Variants in LYST observed in about 807,000 individuals in gnomAD.
LYST encodes lysosomal-trafficking regulator.
Under a neutral mutation model 413.6 loss-of-function variants are expected in LYST, and 192 were observed. The ratio of observed to expected loss-of-function variants is 0.46; its 90% CI spans 0.41 to 0.52. The LOEUF (loss-of-function observed/expected upper bound fraction) is 0.52, where lower values mean the gene tolerates loss of function less well. Ranked by LOEUF, LYST falls within the 20% of genes least tolerant of loss-of-function variation. The pLI is 0.00. For missense variants in LYST, 3,815 were observed against 4,499.9 expected (o/e 0.85, Z 4.35); for synonymous variants, 1,525 against 1,567.3 (o/e 0.97, Z 0.64).
chr1:235,879,740 CTTT>C (rs66680369), intron 1 of LYST, among the ~76,000 whole-genome samples: 4 of 146,312 alleles, frequency 2.7e-5, no homozygotes, highest in Non-Finnish European at 3.0e-5. Context: ...TTCTTTCTTT[CTTT>C]TTTTTTTTTT....
At chr1:235,811,768 T>G (rs1400203909) in intron 4 of LYST, among the ~76,000 whole-genome samples, 1 of 150,446 alleles carries the variant, frequency 6.6e-6, no homozygotes, top group African/African-American at 2.5e-5. Flanking sequence ...TTAAAAGGAG[T>G]CTGACAAATT....
At chr1:235,790,717 C>T (rs1670888981) in intron 12 of LYST, among the ~76,000 whole-genome samples, 1 of 152,162 alleles carries the variant, frequency 6.6e-6, no homozygotes, top group Admixed American at 6.5e-5. Flanking sequence ...CTTTCCATCA[C>T]CATAAATTGC....
At chr1:235,716,300 TTTTG>T (rs1388253842) in intron 41 of LYST, among the ~76,000 whole-genome samples, 2 of 152,248 alleles carry the variant, frequency 1.3e-5, no homozygotes, top group African/African-American at 4.8e-5. Flanking sequence ...TCTGATAAAT[TTTTG>T]TTTAATAAAC....
intron 16 of LYST, among the ~76,000 whole-genome samples, chr1:235,780,518 T>C (rs918647111): frequency 1.3e-5 from 2 of 152,052 alleles, no homozygotes; most frequent in Non-Finnish European, 2.9e-5. Flanking sequence ...AAAGAAAATA[T>C]AATGAGCAAC....
rs769152918 is a variant in LYST at position 235,720,874 on chromosome 1, G to A, written c.9347C>T (p.Thr3116Ile). ...VRDDVYHNIL[T>I]NNLPNLLEYG... ...TTCCAGAAGATTAGGGAGGTTATTT[G>A]TGAGTATATTGTGGTATACATCATC... The change falls in exon 40 of 53, where the codon ACA becomes ATA. Residue 3116 changes from threonine (T) to isoleucine (I), a missense_variant. Thr to Ile is a moderately conservative substitution (Grantham distance 89, BLOSUM62 -1). Around this residue, in one of 4 missense-constraint regions of LYST, gnomAD observed 866 missense variants for 1,156.0 expected, o/e 0.75. Coordinates refer to ENST00000389793, the MANE Select transcript of LYST (RefSeq NM_000081.4). 4 of 1,613,522 alleles carry A rather than the reference G, an allele frequency of 2.5e-6. No homozygotes were observed. Among genetic ancestry groups the A allele is most frequent in the Admixed American group, 1.7e-5 (1 of 60,006 alleles).
At chr1:235,764,687 G>A (rs1210754204) in intron 21 of LYST, among the ~76,000 whole-genome samples, 1 of 151,202 alleles carries the variant, frequency 6.6e-6, no homozygotes, top group East Asian at 1.9e-4. Context: ...ATTTTTAGTA[G>A]AGATGGGGTT....
intron 16 of LYST, among the ~76,000 whole-genome samples, chr1:235,778,468 G>A (rs941955442): frequency 6.6e-6 from 1 of 151,744 alleles, no homozygotes; most frequent in South Asian, 2.1e-4. Flanking sequence ...TCTGCCTCCC[G>A]GGTTCAAGCA....
Position 235,801,059 on chromosome 1 carries a change from A to C in LYST, c.3751T>G (p.Ser1251Ala), listed in dbSNP as rs776129310. The part of the protein sequence containing the change: ...LKSETEGFSA[S>A]SSPNDLLENL... The stretch of plus-strand genomic sequence containing the variant: ...TCGAGTAAGTCATTTGGACTGCTTG[A>C]TGCACTGAAACCTTCTGTTTCAGAC... Residue 1251 changes from serine (S) to alanine (A), a missense_variant, in exon 9 of 53, where the codon TCA becomes GCA. By Grantham distance (99) the Ser-to-Ala change is moderately conservative. Coordinates refer to ENST00000389793, the MANE Select transcript of LYST (RefSeq NM_000081.4). 6.2e-7 allele frequency: 1 copy of C among 1,613,048 alleles called. No individual in the cohort carries two copies. Among genetic ancestry groups the C allele is most frequent in the Non-Finnish European group, 8.5e-7 (1 of 1,179,238 alleles).
chr1:235,838,973 T>C (rs1008605653), intron 1 of LYST, among the ~76,000 whole-genome samples: 2 of 152,100 alleles, frequency 1.3e-5, no homozygotes, highest in African/African-American at 2.4e-5. Context: ...CCTACTGCCC[T>C]ATCCCCCACC....
intron 14 of LYST, chr1:235,786,948 A>G (rs752518633): frequency 8.3e-5 from 26 of 314,718 alleles, no homozygotes; most frequent in Non-Finnish European, 1.6e-4. Context: ...ACCTAATGTA[A>G]ATGACGAGTT....
chr1:235,882,065 C>G (rs1681398538), intron 1 of LYST, among the ~76,000 whole-genome samples: 1 of 147,344 alleles, frequency 6.8e-6, no homozygotes, highest in Non-Finnish European at 1.5e-5. Context: ...CATACACACA[C>G]ACACTCTTTC....
At chr1:235,786,691 C>A (rs189106299) in intron 14 of LYST, among the ~76,000 whole-genome samples, 568 of 152,096 alleles carry the variant, frequency 3.7e-3, no homozygotes, top group Non-Finnish European at 6.0e-3. Flanking sequence ...AAATGTGGCA[C>A]ATATACACCA....
rs1665575605 is a variant in LYST at position 235,743,080 on chromosome 1, G to C, written c.8151+899C>G. On this transcript the variant is annotated intron_variant, in intron 30 of 52. Transcript: ENST00000389793. The stretch of plus-strand genomic sequence containing the variant: ...GTTTCAGTACCATCTGTGGTTTCAG[G>C]CATTCACCAGGGGTCCTGGAATGTA... 2.0e-5 allele frequency among the ~76,000 whole-genome samples: 3 copies of C among 152,220 alleles called. No individual in the cohort carries two copies. In the South Asian group the frequency reaches 6.2e-4, roughly 32 times the overall value.
intron 22 of LYST, among the ~76,000 whole-genome samples, chr1:235,760,422 T>C (rs527614752): frequency 3.0e-4 from 45 of 152,318 alleles, no homozygotes; most frequent in Admixed American, 3.9e-4. Context: ...CTGTTATTAG[T>C]GAGAATAGTT....
At chr1:235,838,883 G>A (rs1676867972) in intron 1 of LYST, among the ~76,000 whole-genome samples, 1 of 152,084 alleles carries the variant, frequency 6.6e-6, no homozygotes. Flanking sequence ...AATTTCATTT[G>A]TTCTCTGTAT....
rs1161595893 is a variant in LYST, at chr1:235,809,563, C to T, written c.1255G>A (p.Ala419Thr). ...LQILICCLQS[A>T]ASNPFYFSQA... ...CTGAAGTAGAAGGGATTTGAAGCTG[C>T]ACTTTGAAGACAACAGATCAGAATC... The change falls in exon 5 of 53, where the codon GCA becomes ACA. Residue 419 changes from alanine to threonine, a missense_variant. This residue lies in a region of LYST where 1,648 missense variants were observed against 1,810.3 expected (regional missense o/e 0.91). Coordinates refer to ENST00000389793, the MANE Select transcript of LYST (RefSeq NM_000081.4). This position sits in a 1 kb window ranked among gnomAD's most constrained non-coding sequence, Gnocchi z 4.0. The T allele has an allele frequency of 6.2e-7, 1 of 1,613,894 alleles. No individual in the cohort carries two copies. The highest frequency in any genetic ancestry group is 2.2e-5 in the East Asian group (1 of 44,872).
chr1:235,816,128 CAAAAAAAAAAAAAAAAAAA>C (rs59556548), intron 3 of LYST, among the ~76,000 whole-genome samples: 2 of 11,794 alleles, frequency 1.7e-4, no homozygotes, highest in African/African-American at 9.8e-4. Context: ...GACTCCATCT[CAAAAAAAAAAAAAAAAAAA>C]AAAAAAAAAA....
rs762005849 is a variant in LYST, at chr1:235,781,898, G to A, written c.5023+29C>T. On this transcript the variant is annotated intron_variant, in intron 15 of 52. Transcript: ENST00000389793. The stretch of plus-strand genomic sequence containing the variant: ...ATCTCACTCTGTCGCCCAGGCTGAA[G>A]TGCAGTGGTGCAATCATAGCTCACT... 34 of 1,451,324 alleles carry A rather than the reference G, an allele frequency of 2.3e-5. No homozygotes were observed. In the African/African-American group the frequency reaches 3.5e-4, roughly 15 times the overall value. 89.9% of individuals were successfully genotyped at this position (1,451,324 alleles called of 1,614,324 possible). A position where few individuals can be genotyped will look rare whatever the true frequency, so the allele number is the denominator to read the frequency against.
chr1:235,799,021 C>G (rs10926702), intron 10 of LYST, among the ~76,000 whole-genome samples: 5,644 of 152,194 alleles, frequency 0.037, 347 homozygotes, highest in African/African-American at 0.13. Context: ...TCCCAATAAA[C>G]CTGTCATTAA....
Sources: gnomAD v4.1 joint callset for allele counts (sites outside exome capture counted in the v4.1 genomes callset) on GRCh38, gnomAD v4.1.1 for gene constraint, gnomAD v4.1.1 regional missense constraint, Gnocchi (gnomAD v3.1) non-coding constraint, MANE v1.5 for transcripts, NCBI Gene and HGNC (gene_info 2026-07-23, HGNC 2026-07-21) for gene names.